The following RIMS1 variants were observed in gnomAD, a reference collection of about 807,000 sequenced individuals.
RIMS1 encodes the protein regulating synaptic membrane exocytosis 1, also known as regulating synaptic membrane exocytosis protein 1.
Under a neutral mutation model 214.1 loss-of-function variants are expected in RIMS1, and 83 were observed. That is an observed-to-expected ratio of 0.39 (90% CI 0.32 to 0.47). The LOEUF is 0.47. Among genes scored for constraint, RIMS1 ranks in the 20% least tolerant of loss-of-function variants. The pLI, the probability that RIMS1 is intolerant of heterozygous loss-of-function variation, is 0.99. For synonymous variants in RIMS1, 793 were observed against 786.8 expected (o/e 1.01, Z -0.13); for missense variants, 2,050 against 2,161.8 (o/e 0.95, Z 1.03).
At chr6:72,388,088 C>G (rs1008103890) in intron 29 of RIMS1, among the ~76,000 whole-genome samples, 2 of 152,122 alleles carry the variant, frequency 1.3e-5, no homozygotes, top group Non-Finnish European at 2.9e-5. Flanking sequence ...TCACAATGAC[C>G]CTGCTCACAT....
intron 33 of RIMS1, among the ~76,000 whole-genome samples, chr6:72,399,333 C>T (rs894100494): frequency 1.3e-5 from 2 of 151,950 alleles, no homozygotes; most frequent in Non-Finnish European, 2.9e-5. Context: ...TCTTTTCTCT[C>T]TCTATCCTCT....
chr6:72,090,558 C>A (rs569030677), intron 2 of RIMS1, among the ~76,000 whole-genome samples: 9 of 151,682 alleles, frequency 5.9e-5, no homozygotes, highest in African/African-American at 2.2e-4. Flanking sequence ...TTTATAGCTC[C>A]TCTATTATAG....
intron 29 of RIMS1, among the ~76,000 whole-genome samples, chr6:72,362,216 A>G (rs1045043527): frequency 3.3e-5 from 5 of 152,176 alleles, no homozygotes; most frequent in Non-Finnish European, 5.9e-5. Flanking sequence ...GAAACTAAAC[A>G]TATTGTTTTC....
intron 1 of RIMS1, among the ~76,000 whole-genome samples, chr6:71,916,938 A>C (rs1778608633): frequency 6.6e-6 from 1 of 152,126 alleles, no homozygotes; most frequent in African/African-American, 2.4e-5. Context: ...AATGACAGCC[A>C]ATGTTCCTAC....
chr6:72,099,642 A>C (rs1234903240), intron 3 of RIMS1, among the ~76,000 whole-genome samples: 1 of 152,158 alleles, frequency 6.6e-6, no homozygotes, highest in Non-Finnish European at 1.5e-5. Flanking sequence ...TAATAGGTAG[A>C]CTACATGTGG....
intron 29 of RIMS1, among the ~76,000 whole-genome samples, chr6:72,389,478 A>G (rs531659384): frequency 6.6e-6 from 1 of 152,310 alleles, no homozygotes; most frequent in South Asian, 2.1e-4. Flanking sequence ...TGATTAGACA[A>G]TTTACAAAAG....
chr6:72,133,702 T>TTTTG (rs1016942742), intron 4 of RIMS1, among the ~76,000 whole-genome samples: 19 of 152,276 alleles, frequency 1.2e-4, no homozygotes, highest in African/African-American at 4.3e-4. Context: ...CAACTAGGTT[T>TTTTG]TTTGTTTGTT....
intron 2 of RIMS1, among the ~76,000 whole-genome samples, chr6:72,009,855 T>A (rs1809645179): frequency 6.6e-6 from 1 of 151,896 alleles, no homozygotes; most frequent in Admixed American, 6.6e-5. Context: ...ACCAAAAAAA[T>A]CCAGGACCAG....
At chr6:71,954,561 T>G (rs1357977221) in intron 1 of RIMS1, among the ~76,000 whole-genome samples, 1 of 152,198 alleles carries the variant, frequency 6.6e-6, no homozygotes, top group Non-Finnish European at 1.5e-5. Flanking sequence ...AGTGTATTAA[T>G]TATTTGACTT....
In RIMS1 at chr6:72,050,809, C is replaced by A. The variant is rs187792165; in HGVS notation, c.246-46140C>A. On this transcript the variant is annotated intron_variant, in intron 2 of 33. Coordinates refer to ENST00000521978, the MANE Select transcript of RIMS1 (RefSeq NM_014989.7). Reference sequence around the variant, plus strand: ...AGACTTTTAGAAGCCTCTATGGGAACCTGCACAGTGCTCCAGTGTGGGACA... The same window carrying A: ...AGACTTTTAGAAGCCTCTATGGGAAACTGCACAGTGCTCCAGTGTGGGACA... Among the ~76,000 whole-genome samples the A allele has an allele frequency of 9.2e-5, 14 of 152,252 alleles. No homozygotes were observed. The East Asian group carries it at 2.5e-3, about 27-fold the overall frequency.
At position 72,159,604 on chromosome 6, in the gene RIMS1, A is replaced by G. The variant is rs553488654; in HGVS notation, c.472-19971A>G. The stretch of plus-strand genomic sequence containing the variant: ...AAAGGATCCAGTTTCAGCTTTCTAC[A>G]TATGGCTAGCCAGTTTTCCCAGCAC... On this transcript the variant is annotated intron_variant, in intron 4 of 33. Transcript: ENST00000521978. Among the ~76,000 whole-genome samples the G allele has an allele frequency of 2.5e-3, 347 of 140,982 alleles. 32 individuals are homozygous for G. Among genetic ancestry groups the G allele is most frequent in the African/African-American group, 7.4e-3 (301 of 40,782 alleles). The allele number at this position is 140,982 out of a possible 152,430, so 92.5% of individuals were successfully genotyped here.
At chr6:71,926,074 T>C (rs554408676) in intron 1 of RIMS1, among the ~76,000 whole-genome samples, 13 of 152,280 alleles carry the variant, frequency 8.5e-5, no homozygotes, top group Admixed American at 7.2e-4. Context: ...CTTTTTATTG[T>C]TGTTGTTGTT....
At chr6:71,983,676 T>C (rs1209828856) in intron 2 of RIMS1, among the ~76,000 whole-genome samples, 2 of 152,198 alleles carry the variant, frequency 1.3e-5, no homozygotes, top group Admixed American at 1.3e-4. Context: ...CTTTCCAGAC[T>C]GTCCTGAATG....
chr6:72,276,745 A>G lies in RIMS1; in HGVS notation c.3482+2313A>G, dbSNP rs115933719. Among the ~76,000 whole-genome samples, 437 of 152,324 alleles carry G rather than the reference A, an allele frequency of 2.9e-3. 2 individuals are homozygous for G. Among genetic ancestry groups the G allele is most frequent in the African/African-American group, 0.01 (427 of 41,576 alleles). On this transcript the variant is annotated intron_variant, in intron 23 of 33. Transcript: ENST00000521978. The stretch of plus-strand genomic sequence containing the variant: ...AAATATAAGACAAATATGTACGTAT[A>G]AAATGAGAGATAAATTATGTCCACT...
At chr6:71,949,481 C>G (rs1307696061) in intron 1 of RIMS1, among the ~76,000 whole-genome samples, 1 of 152,186 alleles carries the variant, frequency 6.6e-6, no homozygotes, top group Non-Finnish European at 1.5e-5. Context: ...TAGACCACCT[C>G]AGATAATGTT....
In RIMS1 at chr6:71,901,328, T is replaced by C. The variant is rs1582127580; in HGVS notation, c.164+14141T>C. On this transcript the variant is annotated intron_variant, in intron 1 of 33. Transcript: ENST00000521978. ...TTATTTAAGAATCTTCATAGCAACCTTATTGTTAATGACCCTAAAATTGAA... is the reference window on the plus strand; with the variant it reads ...TTATTTAAGAATCTTCATAGCAACCCTATTGTTAATGACCCTAAAATTGAA... Among the ~76,000 whole-genome samples the C allele has an allele frequency of 2.6e-5, 4 of 152,144 alleles. No homozygotes were observed. The South Asian group carries it at 8.3e-4, about 31-fold the overall frequency.
chr6:72,228,802 A>G (rs1380575258), intron 6 of RIMS1, among the ~76,000 whole-genome samples: 1 of 151,918 alleles, frequency 6.6e-6, no homozygotes, highest in East Asian at 1.9e-4. Context: ...AAATTTCTCC[A>G]CATTCTCATC....
At chr6:72,005,278 G>T (rs1449733932) in intron 2 of RIMS1, among the ~76,000 whole-genome samples, 1 of 152,176 alleles carries the variant, frequency 6.6e-6, no homozygotes, top group Non-Finnish European at 1.5e-5. Flanking sequence ...CTGTAGCCTT[G>T]TAGTATAATT....
At chr6:72,365,931 G>A (rs2097995454) in intron 29 of RIMS1, 1 of 152,162 alleles carries the variant, frequency 6.6e-6, no homozygotes, top group African/African-American at 2.4e-5. Flanking sequence ...TGTTTTGGAG[G>A]GTTTTGTTTT....
Sources: allele counts gnomAD v4.1 joint callset (sites outside exome capture counted in the v4.1 genomes callset), GRCh38; gene constraint gnomAD v4.1.1; transcripts MANE v1.5; gene names NCBI Gene and HGNC (gene_info 2026-07-23, HGNC 2026-07-21).